SH3GLB1: variants seen among roughly 807,000 people sequenced by gnomAD.
The protein encoded by SH3GLB1 is SH3 domain containing GRB2 like, endophilin B1.
A neutral mutation model predicts 42.0 loss-of-function variants in SH3GLB1; 17 were observed. The ratio of observed to expected loss-of-function variants is 0.40; its 90% CI spans 0.28 to 0.61. The LOEUF (loss-of-function observed/expected upper bound fraction) is 0.61. Among genes scored for constraint, SH3GLB1 ranks in the 20% least tolerant of loss-of-function variants. SH3GLB1 has a pLI of 0.36. For missense variants in SH3GLB1, 355 were observed against 426.3 expected (o/e 0.83, Z 1.47); for synonymous variants, 132 against 146.6 (o/e 0.90, Z 0.72).
At chr1:86,705,108 G>A (rs563045959) in intron 1 of SH3GLB1, 137 bp downstream of exon 1, 283 of 560,858 alleles carry the variant, frequency 5.0e-4, no homozygotes, top group Non-Finnish European at 6.8e-4. Flanking sequence ...GGAGATGGGC[G>A]CGGCCTGGTC....
At chr1:86,734,954 C>T (rs572383220) in intron 6 of SH3GLB1, 125 bp from the exon 7 acceptor site, 3 of 719,122 alleles carry the variant, frequency 4.2e-6, no homozygotes, top group South Asian at 1.8e-5. Flanking sequence ...TCTTAATAAG[C>T]CTTGTAGTAA....
At chr1:86,722,822 A>G in intron 4 of SH3GLB1, 149 bp downstream of exon 4, 1 of 584,886 alleles carries the variant, frequency 1.7e-6, no homozygotes, top group Admixed American at 3.9e-5. Flanking sequence ...AGAACACAAA[A>G]TTAAACCAAA....
chr1:86,716,485 A>G (rs1654542768), intron 2 of SH3GLB1, among the ~76,000 whole-genome samples: 1 of 152,028 alleles, frequency 6.6e-6, no homozygotes, highest in Non-Finnish European at 1.5e-5. Context: ...GGGTTTCACC[A>G]TGTTGTCCAG....
In SH3GLB1 at chr1:86,722,615, C is replaced by T; in HGVS notation, c.419C>T (p.Ala140Val). The T allele has an allele frequency of 6.2e-7, 1 of 1,609,164 alleles. No homozygotes were observed. The highest frequency in any genetic ancestry group is 8.5e-7 in the Non-Finnish European group (1 of 1,177,616). ...GACAGAGAACTGATTCAAACGTCAGCCTTAAATTTTCTTACTCCTTTAAGA... is the reference window on the plus strand; with the variant it reads ...GACAGAGAACTGATTCAAACGTCAGTCTTAAATTTTCTTACTCCTTTAAGA... ...TADRELIQTS[A>V]LNFLTPLRNF... Residue 140 changes from alanine to valine, a missense_variant, in exon 4 of 9, where the codon GCC (alanine) becomes GTC (valine). Transcript: ENST00000370558.
In SH3GLB1 at chr1:86,707,734, C is replaced by T. The variant is rs12064552; in HGVS notation, c.72+2763C>T. 2.1e-5 allele frequency among the ~76,000 whole-genome samples: 3 copies of T among 145,290 alleles called. 1 individual carries two copies. Among genetic ancestry groups the T allele is most frequent in the African/African-American group, 5.2e-5 (2 of 38,790 alleles). On this transcript the variant is annotated intron_variant, in intron 1 of 8. Transcript: ENST00000370558. Reference sequence around the variant, plus strand: ...CGCGATCTCAGCTCATTGCAACCTTCGCCTCCCCGATTCAAGCCAATCTCC... The same window carrying T: ...CGCGATCTCAGCTCATTGCAACCTTTGCCTCCCCGATTCAAGCCAATCTCC...
chr1:86,709,173 T>TA (rs1209431883), intron 1 of SH3GLB1, among the ~76,000 whole-genome samples: 9 of 152,250 alleles, frequency 5.9e-5, no homozygotes, highest in Admixed American at 5.9e-4. Context: ...CTTGGAACTC[T>TA]AAAGTTCTGT....
At position 86,704,689 on chromosome 1, in the gene SH3GLB1, T is replaced by C. The variant is rs1384032830; in HGVS notation, c.-211T>C. 4.6e-6 allele frequency: 2 copies of C among 434,430 alleles called. No individual in the cohort carries two copies. The highest frequency in any genetic ancestry group is 4.2e-5 in the African/African-American group (2 of 47,172). 26.9% of individuals were successfully genotyped at this position (434,430 alleles called of 1,614,324 possible). A position where few individuals can be genotyped will look rare whatever the true frequency, so the allele number is the denominator to read the frequency against. ...GTTCTCCGAGCCGACTGACCCATCC[T>C]TGGCGCTGCCGCCGCGCGCTTGTTC... On this transcript the variant is annotated 5_prime_UTR_variant, in exon 1 of 9. Coordinates refer to ENST00000370558, the MANE Select transcript of SH3GLB1 (RefSeq NM_016009.5).
intron 5 of SH3GLB1, among the ~76,000 whole-genome samples, chr1:86,725,968 C>G (rs1655174818): frequency 6.6e-6 from 1 of 152,060 alleles, no homozygotes. Flanking sequence ...CAAAACTTCC[C>G]TAAACAGACT....
At chr1:86,718,942 G>A (rs1349626876) in intron 2 of SH3GLB1, among the ~76,000 whole-genome samples, 1 of 152,104 alleles carries the variant, frequency 6.6e-6, no homozygotes, top group Non-Finnish European at 1.5e-5. Context: ...TAAAGCCAAG[G>A]CATCATATTG....
chr1:86,708,309 C>A lies in SH3GLB1; in HGVS notation c.72+3338C>A, dbSNP rs116517766. Among the ~76,000 whole-genome samples the A allele has an allele frequency of 2.5e-3, 381 of 152,288 alleles. 2 individuals are homozygous for A. Among genetic ancestry groups the A allele is most frequent in the African/African-American group, 8.7e-3 (360 of 41,558 alleles). On this transcript the variant is annotated intron_variant, in intron 1 of 8. Coordinates refer to ENST00000370558, the MANE Select transcript of SH3GLB1 (RefSeq NM_016009.5). Reference sequence around the variant, plus strand: ...AATAGCTTAAGAGCTATGCCAATATCTCTTTATAAGCAGTAAGAACAGTAG... The same window carrying A: ...AATAGCTTAAGAGCTATGCCAATATATCTTTATAAGCAGTAAGAACAGTAG...
At chr1:86,716,847 CCTT>C (rs1259382089) in intron 2 of SH3GLB1, among the ~76,000 whole-genome samples, 1 of 152,156 alleles carries the variant, frequency 6.6e-6, no homozygotes, top group Admixed American at 6.5e-5. Context: ...TGTATGCTTT[CCTT>C]CTTTTTTCCC....
chr1:86,728,587 ATTTATC>A (rs2101962799), intron 5 of SH3GLB1: 1 of 590,090 alleles, frequency 1.7e-6, no homozygotes, highest in East Asian at 3.2e-5. Context: ...CCATGTATTC[ATTTATC>A]TTTAACAACA....
At chr1:86,711,379 A>G (rs755839431) in intron 1 of SH3GLB1, among the ~76,000 whole-genome samples, 3 of 152,168 alleles carry the variant, frequency 2.0e-5, no homozygotes, top group African/African-American at 7.2e-5. Flanking sequence ...AGCAATATTT[A>G]GAGAAAATAT....
At chr1:86,714,161 A>G (rs150633041) in intron 1 of SH3GLB1, among the ~76,000 whole-genome samples, 2 of 152,136 alleles carry the variant, frequency 1.3e-5, no homozygotes, top group East Asian at 1.9e-4. Context: ...TTCCCTTCCT[A>G]TTGGTCACTT....
rs1656252004 is a variant in SH3GLB1 at position 86,745,401 on chromosome 1, C to T, written c.*2166C>T. ...CATCCTGACCTACCAAGTCTATAGGCCTTGCATATCACTGTGCACCAGAGA... is the reference window on the plus strand; with the variant it reads ...CATCCTGACCTACCAAGTCTATAGGTCTTGCATATCACTGTGCACCAGAGA... On this transcript the variant is annotated 3_prime_UTR_variant, in exon 9 of 9. Coordinates refer to ENST00000370558, the MANE Select transcript of SH3GLB1 (RefSeq NM_016009.5). The T allele has an allele frequency of 6.6e-6, 1 of 152,186 alleles. No individual in the cohort carries two copies. The highest frequency in any genetic ancestry group is 1.5e-5 in the Non-Finnish European group (1 of 68,052). The allele number at this position is 152,186 out of a possible 1,614,324, so 9.4% of individuals were successfully genotyped here. A position where few individuals can be genotyped will look rare whatever the true frequency, so the allele number is the denominator to read the frequency against.
Position 86,735,112 on chromosome 1 carries a change from G to A in SH3GLB1, c.694G>A (p.Glu232Lys). 6.2e-7 allele frequency: 1 copy of A among 1,612,954 alleles called. No individual in the cohort carries two copies. Among genetic ancestry groups the A allele is most frequent in the Non-Finnish European group, 8.5e-7 (1 of 1,179,134 alleles). Reference protein sequence around the residue: ...HHLRCLNDFVEAQMTYYAQCY... With the variant: ...HHLRCLNDFVKAQMTYYAQCY... ...CCTTCGCTGTCTGAATGACTTTGTA[G>A]AAGCCCAGATGACTTACTATGCACA... is the stretch of plus-strand genomic sequence containing the variant. The change falls in exon 7 of 9, where the codon GAA becomes AAA. Residue 232 changes from glutamate (E) to lysine (K), a missense_variant. Transcript: ENST00000370558.
Position 86,719,608 on chromosome 1 carries a change from A to T in SH3GLB1, c.316A>T (p.Thr106Ser). The T allele has an allele frequency of 6.2e-7, 1 of 1,610,280 alleles. No individual in the cohort carries two copies. Among genetic ancestry groups the T allele is most frequent in the Non-Finnish European group, 8.5e-7 (1 of 1,178,126 alleles). The change falls in exon 3 of 9, where the codon ACT becomes TCT. Residue 106 changes from threonine to serine, a missense_variant. Thr to Ser is a moderately conservative substitution (Grantham distance 58). Coordinates refer to ENST00000370558, the MANE Select transcript of SH3GLB1 (RefSeq NM_016009.5). The part of the protein sequence containing the change: ...LLGQYMIDAG[T>S]EFGPGTAYGN... ...GGGACAATATATGATTGATGCAGGGACTGAGTTTGGCCCAGGAACAGCTTA... is the reference window on the plus strand; with the variant it reads ...GGGACAATATATGATTGATGCAGGGTCTGAGTTTGGCCCAGGAACAGCTTA...
At chr1:86,740,947 G>A (rs1656029635) in intron 7 of SH3GLB1, among the ~76,000 whole-genome samples, 2 of 151,950 alleles carry the variant, frequency 1.3e-5, no homozygotes, top group Admixed American at 1.3e-4. Flanking sequence ...TACAATAGAT[G>A]GAGAAAATGT....
In SH3GLB1 at chr1:86,704,693, C is replaced by T. The variant is rs1570397075; in HGVS notation, c.-207C>T. On this transcript the variant is annotated 5_prime_UTR_variant, in exon 1 of 9. Transcript: ENST00000370558. The stretch of plus-strand genomic sequence containing the variant: ...TCCGAGCCGACTGACCCATCCTTGG[C>T]GCTGCCGCCGCGCGCTTGTTCTCCT... The T allele has an allele frequency of 4.6e-6, 2 of 436,614 alleles. No individual in the cohort carries two copies. The highest frequency in any genetic ancestry group is 8.5e-5 in the East Asian group (2 of 23,512). The allele number at this position is 436,614 out of a possible 1,614,324, so 27.0% of individuals were successfully genotyped here. A position where few individuals can be genotyped will look rare whatever the true frequency, so the allele number is the denominator to read the frequency against.
Sources: allele counts gnomAD v4.1 joint callset (sites outside exome capture counted in the v4.1 genomes callset), GRCh38; gene constraint gnomAD v4.1.1; transcripts MANE v1.5; gene names NCBI Gene and HGNC (gene_info 2026-07-23, HGNC 2026-07-21).